The following FBXL20 variants were observed in gnomAD, a reference collection of about 807,000 sequenced individuals.
FBXL20 encodes F-box/LRR-repeat protein 20.
A neutral mutation model predicts 64.0 loss-of-function variants in FBXL20; 11 were observed. The ratio of observed to expected loss-of-function variants is 0.17; its 90% CI spans 0.11 to 0.28. The LOEUF (loss-of-function observed/expected upper bound fraction) is 0.28, where lower values mean the gene tolerates loss of function less well. FBXL20 is among the 10% of genes least tolerant of loss of function. The pLI, the probability that FBXL20 is intolerant of heterozygous loss-of-function variation, is 1.00. For missense variants in FBXL20, 303 were observed against 526.2 expected (o/e 0.58, Z 4.15); for synonymous variants, 184 against 189.0 (o/e 0.97, Z 0.22).
chr17:39,333,694 A>C (rs2047488225), intron 2 of FBXL20, among the ~76,000 whole-genome samples: 1 of 151,286 alleles, frequency 6.6e-6, no homozygotes, highest in African/African-American at 2.4e-5. Flanking sequence ...CCGTCTAGGA[A>C]GTGAGGAGCG....
At chr17:39,372,838 T>C (rs1201924199) in intron 1 of FBXL20, among the ~76,000 whole-genome samples, 1 of 151,894 alleles carries the variant, frequency 6.6e-6, no homozygotes, top group Non-Finnish European at 1.5e-5. Context: ...TTGGTCAGGC[T>C]GGTCACAAAC....
At chr17:39,272,843 T>C (rs1023276003) in intron 10 of FBXL20, among the ~76,000 whole-genome samples, 1 of 152,020 alleles carries the variant, frequency 6.6e-6, no homozygotes, top group Non-Finnish European at 1.5e-5. Context: ...ATTCTAACAA[T>C]GTAATGAACC....
chr17:39,397,152 C>T (rs1004606702), intron 1 of FBXL20, among the ~76,000 whole-genome samples: 12 of 152,104 alleles, frequency 7.9e-5, no homozygotes, highest in Non-Finnish European at 1.5e-4. Context: ...ATGATCCACC[C>T]GCTTTGGCCT....
intron 6 of FBXL20, among the ~76,000 whole-genome samples, chr17:39,296,188 G>T (rs1381033333): frequency 6.6e-6 from 1 of 152,068 alleles, no homozygotes; most frequent in Non-Finnish European, 1.5e-5. Context: ...AGTTCTACTG[G>T]TATAAAGTAA....
In FBXL20 at chr17:39,320,454, T is replaced by C. The variant is rs534031079; in HGVS notation, c.105-16815A>G. On this transcript the variant is annotated intron_variant, in intron 2 of 14. Coordinates refer to ENST00000264658, the MANE Select transcript of FBXL20 (RefSeq NM_032875.3). ...TATATACTGACCTCACAGCACGGTTTACCAACTTCTGACTCTAAATATTTC... is the reference window on the plus strand; with the variant it reads ...TATATACTGACCTCACAGCACGGTTCACCAACTTCTGACTCTAAATATTTC... Among the ~76,000 whole-genome samples the C allele has an allele frequency of 1.1e-3, 160 of 152,280 alleles. 1 individual carries two copies. The South Asian group carries it at 0.031, about 29-fold the overall frequency.
intron 2 of FBXL20, among the ~76,000 whole-genome samples, chr17:39,315,829 C>CAGAGAGAGAG (rs141728220): frequency 0.023 from 2,971 of 129,602 alleles, 163 homozygotes; most frequent in Non-Finnish European, 0.031. Context: ...GAGAGAGAGA[C>CAGAGAGAGAG]AGAGAGAGAG....
chr17:39,326,163 T>A (rs1247628044), intron 2 of FBXL20, among the ~76,000 whole-genome samples: 1 of 151,374 alleles, frequency 6.6e-6, no homozygotes, highest in East Asian at 1.9e-4. Flanking sequence ...TCACCAGGAG[T>A]AGACGCTAGT....
intron 6 of FBXL20, among the ~76,000 whole-genome samples, chr17:39,287,838 T>C (rs1338509857): frequency 6.6e-6 from 1 of 152,160 alleles, no homozygotes; most frequent in African/African-American, 2.4e-5. Context: ...CCGCCAGAAA[T>C]TCATGAGGGA....
chr17:39,381,557 G>A lies in FBXL20; in HGVS notation c.42+19804C>T, dbSNP rs915976894. The stretch of plus-strand genomic sequence containing the variant: ...TGTAATCCCAACATTGTGGGAGGCC[G>A]AAGCAGGCAGATAACTTGAGCCCAG... On this transcript the variant is annotated intron_variant, in intron 1 of 14. Transcript: ENST00000264658. 8.6e-5 allele frequency among the ~76,000 whole-genome samples: 13 copies of A among 151,404 alleles called. No homozygotes were observed. The South Asian group carries it at 1.7e-3, about 19-fold the overall frequency.
At position 39,259,810 on chromosome 17, in the gene FBXL20, C is replaced by A. The variant is rs890862611; in HGVS notation, c.*1650G>T. 1.3e-5 allele frequency: 2 copies of A among 151,798 alleles called. No homozygotes were observed. The highest frequency in any genetic ancestry group is 2.9e-5 in the Non-Finnish European group (2 of 68,028). The allele number at this position is 151,798 out of a possible 1,614,324, so 9.4% of individuals were successfully genotyped here. ...ACCAGGCTGGCCAACATGTGAAACC[C>A]CATCTCTACTAAAAATACAAAAATT... On this transcript the variant is annotated 3_prime_UTR_variant, in exon 15 of 15. Transcript: ENST00000264658.
At chr17:39,295,793 A>ATATATATATATATATATATATATATG (rs2047079464) in intron 6 of FBXL20, among the ~76,000 whole-genome samples, 1 of 149,080 alleles carries the variant, frequency 6.7e-6, no homozygotes, top group African/African-American at 2.5e-5. Context: ...AGATATATAT[A>ATATATATATATATATATATATATATG]TATATATATA....
intron 2 of FBXL20, among the ~76,000 whole-genome samples, chr17:39,332,773 C>G (rs893508303): frequency 6.6e-6 from 1 of 151,982 alleles, no homozygotes; most frequent in African/African-American, 2.4e-5. Context: ...GATCTCCTGA[C>G]CTCATGATCT....
chr17:39,298,969 A>C, intron 5 of FBXL20, 21 bp downstream of exon 5: 1 of 1,581,524 alleles, frequency 6.3e-7, no homozygotes, highest in Non-Finnish European at 8.7e-7. Context: ...CAAGAAGATT[A>C]ATCAATAGTT....
chr17:39,261,663 A>T, intron 14 of FBXL20, 96 bp from the exon 15 acceptor site: 1 of 893,550 alleles, frequency 1.1e-6, no homozygotes, highest in Non-Finnish European at 1.8e-6. Flanking sequence ...CTCAATGAAC[A>T]TAAAAGCAGG....
At chr17:39,373,151 C>T (rs1481351034) in intron 1 of FBXL20, among the ~76,000 whole-genome samples, 1 of 152,094 alleles carries the variant, frequency 6.6e-6, no homozygotes, top group Non-Finnish European at 1.5e-5. Flanking sequence ...TTCTGACCCC[C>T]TTTGTAGAGA....
Position 39,259,158 on chromosome 17 carries a change from T to G in FBXL20, c.*2302A>C, listed in dbSNP as rs1258591190. ...TATATATGCTGGTATAATCAGCAAC[T>G]GCAGCATTAAAACAAACCTCTTAAG... On this transcript the variant is annotated 3_prime_UTR_variant, in exon 15 of 15. Coordinates refer to ENST00000264658, the MANE Select transcript of FBXL20 (RefSeq NM_032875.3). 3.9e-5 allele frequency: 6 copies of G among 152,124 alleles called. No individual in the cohort carries two copies. The highest frequency in any genetic ancestry group is 5.9e-5 in the Non-Finnish European group (4 of 68,032). 9.4% of individuals were successfully genotyped at this position (152,124 alleles called of 1,614,324 possible).
intron 2 of FBXL20, among the ~76,000 whole-genome samples, chr17:39,324,072 C>A (rs1244199430): frequency 7.3e-6 from 1 of 137,434 alleles, no homozygotes; most frequent in Non-Finnish European, 1.5e-5. Flanking sequence ...AGCCACCGTG[C>A]CTGGCCTATA....
At chr17:39,342,493 A>G (rs1187124339) in intron 2 of FBXL20, among the ~76,000 whole-genome samples, 1 of 152,160 alleles carries the variant, frequency 6.6e-6, no homozygotes, top group African/African-American at 2.4e-5. Flanking sequence ...AAGTAGGCAG[A>G]TCACGAGGTC....
intron 1 of FBXL20, among the ~76,000 whole-genome samples, chr17:39,398,724 G>C (rs2048211836): frequency 6.6e-6 from 1 of 152,010 alleles, no homozygotes; most frequent in Non-Finnish European, 1.5e-5. Flanking sequence ...GCCCAGGCTG[G>C]AGTAAAATGG....
Sources: gnomAD v4.1 joint callset for allele counts (sites outside exome capture counted in the v4.1 genomes callset) on GRCh38, gnomAD v4.1.1 for gene constraint, MANE v1.5 for transcripts, NCBI Gene and HGNC (gene_info 2026-07-23, HGNC 2026-07-21) for gene names.